The following TH variants were observed in gnomAD, a reference collection of about 807,000 sequenced individuals.
The protein encoded by TH is tyrosine 3-monooxygenase.
Under a neutral mutation model 57.4 loss-of-function variants are expected in TH, and 49 were observed. That is an observed-to-expected ratio of 0.85 (90% CI 0.68 to 1.08). TH has a LOEUF of 1.08. TH is among the 50% of genes least tolerant of loss of function. TH has a pLI of 0.00. For missense variants in TH, 720 were observed against 696.7 expected (o/e 1.03, Z -0.38); for synonymous variants, 330 against 304.5 (o/e 1.08, Z -0.87).
At chr11:2,169,303 G>T (rs1846189038) in intron 2 of TH, among the ~76,000 whole-genome samples, 1 of 152,262 alleles carries the variant, frequency 6.6e-6, no homozygotes, top group South Asian at 2.1e-4. Flanking sequence ...TGCTGGGTGG[G>T]TGGGAGAGGG....
rs1846246639 is a variant in TH at position 2,171,152 on chromosome 11, C to G, written c.90+545G>C. 6.6e-6 allele frequency among the ~76,000 whole-genome samples: 1 copy of G among 151,842 alleles called. No individual in the cohort carries two copies. The highest frequency in any genetic ancestry group is 2.1e-4 in the South Asian group (1 of 4,814). ...GGAGGAACAGGCCAATGGGAATCAC[C>G]CCAGAGCCCAGATACCCTTTGAATT... On this transcript the variant is annotated intron_variant, in intron 1 of 12. Transcript: ENST00000352909. The surrounding 1 kb of genome is among the most constrained non-coding windows in gnomAD (Gnocchi z 8.6).
chr11:2,166,992 G>GCGTGGC lies in TH; in HGVS notation c.730_735dup (p.Ala244_Thr245dup). 6.3e-7 allele frequency: 1 copy of GCGTGGC among 1,590,030 alleles called. No individual in the cohort carries two copies. The highest frequency in any genetic ancestry group is 1.1e-5 in the South Asian group (1 of 87,442). On this transcript the variant is annotated inframe_insertion, in exon 7 of 13. Transcript: ENST00000352909. ...GCCTCCAGGTGCTCCCCGCAGGCGT[G>GCGTGGC]CGTGGCGTAGAGGCCCTTCAGCGTG...
chr11:2,165,799 G>A, intron 10 of TH, 36 bp from the exon 11 acceptor site: 2 of 1,600,532 alleles, frequency 1.2e-6, no homozygotes, highest in Non-Finnish European at 1.7e-6. Flanking sequence ...CCCAGAGACA[G>A]CTGCCGCCCA....
chr11:2,168,014 A>T, intron 4 of TH, 77 bp downstream of exon 4: 1 of 1,608,758 alleles, frequency 6.2e-7, no homozygotes, highest in Non-Finnish European at 8.5e-7. Flanking sequence ...GAGCCGACAG[A>T]CTCCTGTCCA....
chr11:2,164,314 G>C lies in TH; in HGVS notation c.1413C>G (p.Ser471Arg). 6.5e-7 allele frequency: 1 copy of C among 1,537,292 alleles called. No homozygotes were observed. Reference protein sequence around the residue: ...PYTLAIDVLDSPQAVRRSLEG... With the variant: ...PYTLAIDVLDRPQAVRRSLEG... ...CCAGGGAGCGCCGCACGGCCTGGGGGCTGTCCAGCACGTCGATGGCCAGCG... is the reference window on the plus strand; with the variant it reads ...CCAGGGAGCGCCGCACGGCCTGGGGCCTGTCCAGCACGTCGATGGCCAGCG... Residue 471 changes from serine to arginine, a missense_variant, in exon 13 of 13, where the codon AGC becomes AGG. Coordinates refer to ENST00000352909, the MANE Select transcript of TH (RefSeq NM_000360.4).
chr11:2,167,159 AC>A, intron 6 of TH, 127 bp from the exon 7 acceptor site: 1 of 1,358,682 alleles, frequency 7.4e-7, no homozygotes, highest in Non-Finnish European at 1.0e-6. Context: ...ACCCCTGAAG[AC>A]CCAGGCCCCC....
In TH at chr11:2,164,232, C is replaced by G; in HGVS notation, c.*1G>C. 1 of 1,455,288 alleles carries G rather than the reference C, an allele frequency of 6.9e-7. No individual in the cohort carries two copies. The highest frequency in any genetic ancestry group is 1.5e-5 in the South Asian group (1 of 66,814). 90.1% of individuals were successfully genotyped at this position (1,455,288 alleles called of 1,614,324 possible). A position where few individuals can be genotyped will look rare whatever the true frequency, so the allele number is the denominator to read the frequency against. The stretch of plus-strand genomic sequence containing the variant: ...GAAGGGCCCTCAGGGACGCCGTGCA[C>G]CTAGCCAATGGCACTCAGCGCATGG... On this transcript the variant is annotated 3_prime_UTR_variant, in exon 13 of 13. Transcript: ENST00000352909.
At position 2,168,474 on chromosome 11, in the gene TH, A is replaced by G; in HGVS notation, c.487+17T>C. ...CAAGGTCATTTGGTGGCCCTCAAGGACAGAAAACCGCCTCACCCTTGGGCC... is the reference window on the plus strand; with the variant it reads ...CAAGGTCATTTGGTGGCCCTCAAGGGCAGAAAACCGCCTCACCCTTGGGCC... On this transcript the variant is annotated intron_variant, in intron 3 of 12. Coordinates refer to ENST00000352909, the MANE Select transcript of TH (RefSeq NM_000360.4). The G allele has an allele frequency of 6.2e-7, 1 of 1,611,880 alleles. No individual in the cohort carries two copies. Among genetic ancestry groups the G allele is most frequent in the Non-Finnish European group, 8.5e-7 (1 of 1,179,708 alleles).
chr11:2,166,326 G>A (rs1031131482), intron 9 of TH, 154 bp downstream of exon 9: 3 of 1,109,344 alleles, frequency 2.7e-6, no homozygotes, highest in Admixed American at 2.5e-5. Flanking sequence ...CTCCAGCCCC[G>A]CCCTATGCCG....
chr11:2,171,669 G>A lies in TH; in HGVS notation c.90+28C>T. 7 of 1,607,664 alleles carry A rather than the reference G, an allele frequency of 4.4e-6. No homozygotes were observed. Among genetic ancestry groups the A allele is most frequent in the Non-Finnish European group, 5.1e-6 (6 of 1,178,976 alleles). ...CAGCCCTGGGCTCCGGTCCACTGCG[G>A]CCGCCGGGCACCTACCTGCCCTCTT... On this transcript the variant is annotated intron_variant, in intron 1 of 12. Transcript: ENST00000352909. This position sits in a 1 kb window ranked among gnomAD's most constrained non-coding sequence, Gnocchi z 8.6.
In TH at chr11:2,166,556, G is replaced by C. The variant is rs778560407; in HGVS notation, c.978-7C>G. On this transcript the variant is annotated splice_polypyrimidine_tract_variant and splice_region_variant and intron_variant, in intron 8 of 12. Coordinates refer to ENST00000352909, the MANE Select transcript of TH (RefSeq NM_000360.4). ...CAGCTCGTGGCAGCAGTCCCTGCGC[G>C]TAGGAGGGAGAAGGGGGCTGAGGGG... 6.3e-7 allele frequency: 1 copy of C among 1,599,826 alleles called. No individual in the cohort carries two copies. The highest frequency in any genetic ancestry group is 1.3e-5 in the African/African-American group (1 of 74,742).
At chr11:2,167,227 G>C in intron 6 of TH, 195 bp from the exon 7 acceptor site, 1 of 987,168 alleles carries the variant, frequency 1.0e-6, no homozygotes, top group Non-Finnish European at 1.5e-6. Flanking sequence ...GGCCATGAGG[G>C]GCGGTCCCTC....
In TH at chr11:2,165,352, TCAGA is replaced by T. The variant is rs2133689285; in HGVS notation, c.1210_1213del (p.Ser404ArgfsTer53). ...GTCGAAGGCCCGAATCTCAGGCTCC[TCAGA>T]CAGGCAGTGCTGGCAGGAGGCCAAT... On this transcript the variant is annotated frameshift_variant, in exon 12 of 13. Coordinates refer to ENST00000352909, the MANE Select transcript of TH (RefSeq NM_000360.4). LOFTEE classifies it high-confidence loss of function. 6.2e-7 allele frequency: 1 copy of T among 1,611,150 alleles called. No individual in the cohort carries two copies. Among genetic ancestry groups the T allele is most frequent in the Non-Finnish European group, 8.5e-7 (1 of 1,179,972 alleles).
chr11:2,168,966 G>T (rs1014082715), intron 2 of TH, among the ~76,000 whole-genome samples: 48 of 152,334 alleles, frequency 3.2e-4, no homozygotes, highest in Admixed American at 2.6e-4. Flanking sequence ...ATGCCACACA[G>T]TCCGGCTCCT....
In TH at chr11:2,165,312, G is replaced by GGCC; in HGVS notation, c.1251_1253dup (p.Ala418dup). On this transcript the variant is annotated inframe_insertion, in exon 12 of 13. Transcript: ENST00000352909. ...ACGTCTGGTCTTGGTAGGGCTGCAC[G>GGCC]GCCGCAGCCTCAGGGTCGAAGGCCC... is the stretch of plus-strand genomic sequence containing the variant. 2 of 1,612,636 alleles carry GGCC rather than the reference G, an allele frequency of 1.2e-6. No individual in the cohort carries two copies. Among genetic ancestry groups the GGCC allele is most frequent in the Non-Finnish European group, 1.7e-6 (2 of 1,179,982 alleles).
intron 12 of TH, 118 bp downstream of exon 12, chr11:2,165,114 C>G: frequency 2.0e-6 from 3 of 1,487,498 alleles, no homozygotes; most frequent in South Asian, 1.1e-5. Flanking sequence ...AACCAGGGGT[C>G]GGTTTTCTCA....
chr11:2,168,425 A>G (rs1590169507), intron 3 of TH, 66 bp downstream of exon 3: 1 of 1,592,768 alleles, frequency 6.3e-7, no homozygotes, highest in Admixed American at 1.7e-5. Flanking sequence ...GTCCCCCTGC[A>G]GGAGCCCCTG....
rs1380276270 is a variant in TH at position 2,166,619 on chromosome 11, G to A, written c.977+14C>T. 1.3e-6 allele frequency: 2 copies of A among 1,581,886 alleles called. No individual in the cohort carries two copies. The highest frequency in any genetic ancestry group is 1.7e-6 in the Non-Finnish European group (2 of 1,165,612). On this transcript the variant is annotated intron_variant, in intron 8 of 12. Transcript: ENST00000352909. ...CCCCCCACCCTCGGGCTGGCGGCCA[G>A]GGCGCGCACTCACGGCTCAGGGGAG...
At position 2,164,278 on chromosome 11, in the gene TH, C is replaced by T. The variant is rs1846018715; in HGVS notation, c.1449G>A (p.Gln483=). ...QAVRRSLEGV[Q]DELDTLAHAL... is the part of the protein sequence containing the mutation. ...CATGGGCAAGGGTGTCCAGCTCATC[C>T]TGGACACCCTCCAGGGAGCGCCGCA... Residue 483 remains glutamine, a synonymous_variant, in exon 13 of 13, where the codon CAG becomes CAA. Transcript: ENST00000352909. The T allele has an allele frequency of 2.0e-6, 3 of 1,503,638 alleles. No homozygotes were observed. The South Asian group carries it at 4.0e-5, about 20-fold the overall frequency. The allele number at this position is 1,503,638 out of a possible 1,614,324, so 93.1% of individuals were successfully genotyped here.
Sources: allele counts gnomAD v4.1 joint callset (sites outside exome capture counted in the v4.1 genomes callset), GRCh38; gene constraint gnomAD v4.1.1; non-coding constraint Gnocchi (gnomAD v3.1); transcripts MANE v1.5; gene names NCBI Gene and HGNC (gene_info 2026-07-23, HGNC 2026-07-21).